Variants in CHST3 observed in about 807,000 individuals in gnomAD.
The protein encoded by CHST3 is C6ST-1.
Under a neutral mutation model 35.4 loss-of-function variants are expected in CHST3, and 20 were observed. The observed-to-expected ratio is 0.57, with a 90% confidence interval of 0.40 to 0.82. The LOEUF (loss-of-function observed/expected upper bound fraction) is 0.82, where lower values mean the gene tolerates loss of function less well. Among genes scored for constraint, CHST3 ranks in the 40% least tolerant of loss-of-function variants. The pLI is 0.00. For synonymous variants in CHST3, 334 were observed against 295.9 expected (o/e 1.13, Z -1.32); for missense variants, 693 against 670.1 (o/e 1.03, Z -0.38).
chr10:72,007,762 A>C lies in CHST3; in HGVS notation c.731A>C (p.Lys244Thr), dbSNP rs764704926. Residue 244 changes from lysine to threonine, a missense_variant, in exon 3 of 3, where the codon AAG becomes ACG. Coordinates refer to ENST00000373115, the MANE Select transcript of CHST3 (RefSeq NM_004273.5). The part of the protein sequence containing the change: ...CTPFVKKVFE[K>T]YHCKNRRCGP... ...CCCTTCGTCAAGAAGGTCTTCGAGA[A>C]GTACCACTGCAAGAACCGCCGCTGC... The C allele has an allele frequency of 6.2e-7, 1 of 1,601,856 alleles. No individual in the cohort carries two copies. Among genetic ancestry groups the C allele is most frequent in the South Asian group, 1.1e-5 (1 of 91,042 alleles).
chr10:72,002,175 G>C (rs1028667610), intron 1 of CHST3, among the ~76,000 whole-genome samples: 11 of 152,220 alleles, frequency 7.2e-5, no homozygotes, highest in African/African-American at 2.4e-4. Flanking sequence ...GGAGCCAACA[G>C]CCTGCCTGGG....
At chr10:71,975,651 C>G (rs1333161198) in intron 1 of CHST3, among the ~76,000 whole-genome samples, 3 of 152,220 alleles carry the variant, frequency 2.0e-5, no homozygotes, top group African/African-American at 7.2e-5. Context: ...GCTCAGGGGG[C>G]GCCTGTCCTG....
intron 1 of CHST3, among the ~76,000 whole-genome samples, chr10:71,966,253 A>G (rs1360885540): frequency 6.6e-6 from 1 of 152,082 alleles, no homozygotes; most frequent in Non-Finnish European, 1.5e-5. Flanking sequence ...GATGGGTCTC[A>G]TGAAGGGTCT....
At chr10:71,987,861 G>GAGCA (rs1839863564) in intron 1 of CHST3, among the ~76,000 whole-genome samples, 2 of 152,184 alleles carry the variant, frequency 1.3e-5, no homozygotes, top group South Asian at 4.1e-4. Flanking sequence ...AAGGAGGATA[G>GAGCA]AGCAAGAATT....
intron 1 of CHST3, among the ~76,000 whole-genome samples, chr10:71,965,844 T>C (rs1255938667): frequency 1.3e-5 from 2 of 152,134 alleles, no homozygotes; most frequent in African/African-American, 4.8e-5. Context: ...CCTGATCTGC[T>C]TGGGCCAGTG....
At chr10:72,005,448 A>G (rs1840029048) in intron 1 of CHST3, among the ~76,000 whole-genome samples, 1 of 152,202 alleles carries the variant, frequency 6.6e-6, no homozygotes, top group Admixed American at 6.5e-5. Flanking sequence ...TTTTGCTATT[A>G]TAAACATTTA....
rs759873741 is a variant in CHST3 at position 72,007,613 on chromosome 10, G to C, written c.582G>C (p.Gln194His). The C allele has an allele frequency of 3.7e-6, 6 of 1,609,934 alleles. No individual in the cohort carries two copies. Among genetic ancestry groups the C allele is most frequent in the East Asian group, 2.2e-5 (1 of 44,864 alleles). ...TGGTGTACCGCGACGTGCTCAAGCA[G>C]CTCTTCCTGTGCGACCTGTACGTGC... Reference protein sequence around the residue: ...SALVYRDVLKQLFLCDLYVLE... With the variant: ...SALVYRDVLKHLFLCDLYVLE... Residue 194 changes from glutamine to histidine, a missense_variant, in exon 3 of 3, where the codon CAG becomes CAC. Transcript: ENST00000373115.
At chr10:71,980,430 A>AT (rs1421533429) in intron 1 of CHST3, among the ~76,000 whole-genome samples, 1 of 152,204 alleles carries the variant, frequency 6.6e-6, no homozygotes, top group Non-Finnish European at 1.5e-5. Flanking sequence ...ATATTTTCTA[A>AT]TCTACACAAT....
At chr10:71,999,888 G>A (rs539666999) in intron 1 of CHST3, among the ~76,000 whole-genome samples, 20 of 152,298 alleles carry the variant, frequency 1.3e-4, no homozygotes, top group African/African-American at 4.3e-4. Flanking sequence ...TTTCCACAGC[G>A]TTCTCTCCCT....
Position 72,007,849 on chromosome 10 carries a change from A to C in CHST3, c.818A>C (p.Lys273Thr), listed in dbSNP as rs751135376. 6.2e-7 allele frequency: 1 copy of C among 1,604,522 alleles called. No individual in the cohort carries two copies. Among genetic ancestry groups the C allele is most frequent in the East Asian group, 2.2e-5 (1 of 44,700 alleles). ...CGCCGCAAGGAGCACATGGCCCTCA[A>C]GGCGGTGCGCATCCGGCAGCTGGAG... ...ACRRKEHMAL[K>T]AVRIRQLEFL... Residue 273 changes from lysine (K) to threonine (T), a missense_variant, in exon 3 of 3, where the codon AAG (lysine) becomes ACG (threonine). Physicochemically the swap from Lys to Thr is moderately conservative, Grantham distance 78 (BLOSUM62 -1). Transcript: ENST00000373115.
chr10:72,007,652 C>A lies in CHST3; in HGVS notation c.621C>A (p.Ile207=). The A allele has an allele frequency of 6.2e-7, 1 of 1,609,484 alleles. No individual in the cohort carries two copies. The highest frequency in any genetic ancestry group is 8.5e-7 in the Non-Finnish European group (1 of 1,179,392). The change falls in exon 3 of 3, where the codon ATC becomes ATA. Residue 207 remains isoleucine (I), a synonymous_variant. Transcript: ENST00000373115. ...LCDLYVLEHF[I]TPLPEDHLTQ... is the part of the protein sequence containing the mutation. The stretch of plus-strand genomic sequence containing the variant: ...ACCTGTACGTGCTGGAGCACTTCAT[C>A]ACGCCGCTGCCCGAGGACCACCTGA...
At chr10:71,975,731 G>T (rs1421761411) in intron 1 of CHST3, among the ~76,000 whole-genome samples, 2 of 152,252 alleles carry the variant, frequency 1.3e-5, no homozygotes, top group Non-Finnish European at 2.9e-5. Flanking sequence ...TCCTTGGCCT[G>T]TCTGTGGGCG....
chr10:71,976,799 C>T (rs1247299787), intron 1 of CHST3, among the ~76,000 whole-genome samples: 1 of 152,182 alleles, frequency 6.6e-6, no homozygotes, highest in Non-Finnish European at 1.5e-5. Context: ...CAAGAGGCTA[C>T]CCTCAAAAGA....
At position 72,005,719 on chromosome 10, in the gene CHST3, C is replaced by T. The variant is rs1840031505; in HGVS notation, c.-107-17C>T. On this transcript the variant is annotated splice_polypyrimidine_tract_variant and intron_variant, in intron 1 of 2. Coordinates refer to ENST00000373115, the MANE Select transcript of CHST3 (RefSeq NM_004273.5). Reference sequence around the variant, plus strand: ...CGTGTACAGACAAGGGTGTTCTGACCACCTGTCTCTCCGCAGGACAAGGGT... The same window carrying T: ...CGTGTACAGACAAGGGTGTTCTGACTACCTGTCTCTCCGCAGGACAAGGGT... The T allele has an allele frequency of 6.5e-5, 78 of 1,208,942 alleles. 2 individuals carry two copies. In the South Asian group the frequency reaches 9.6e-4, roughly 15 times the overall value. 74.9% of individuals were successfully genotyped at this position (1,208,942 alleles called of 1,614,324 possible).
In CHST3 at chr10:72,007,857, C is replaced by T. The variant is rs752600315; in HGVS notation, c.826C>T (p.Arg276Cys). Residue 276 changes from arginine to cysteine, a missense_variant, in exon 3 of 3, where the codon CGC (arginine) becomes TGC (cysteine). Physicochemically the swap from Arg to Cys is radical, Grantham distance 180. Transcript: ENST00000373115. Reference protein sequence around the residue: ...RKEHMALKAVRIRQLEFLQPL... With the variant: ...RKEHMALKAVCIRQLEFLQPL... ...GGAGCACATGGCCCTCAAGGCGGTG[C>T]GCATCCGGCAGCTGGAGTTCCTGCA... is the stretch of plus-strand genomic sequence containing the variant. The T allele has an allele frequency of 1.2e-6, 2 of 1,601,920 alleles. No individual in the cohort carries two copies.
Position 72,011,588 on chromosome 10 carries a change from G to A in CHST3, c.*3117G>A, listed in dbSNP as rs1354398677. ...TCTGCCAGAAGCCTTCCCCTGCAAG[G>A]TGCCCACCTGCCCGGAGACAGAGGG... On this transcript the variant is annotated 3_prime_UTR_variant, in exon 3 of 3. Coordinates refer to ENST00000373115, the MANE Select transcript of CHST3 (RefSeq NM_004273.5). 1 of 152,238 alleles carries A rather than the reference G, an allele frequency of 6.6e-6. No homozygotes were observed. Among genetic ancestry groups the A allele is most frequent in the Non-Finnish European group, 1.5e-5 (1 of 68,092 alleles). 9.4% of individuals were successfully genotyped at this position (152,238 alleles called of 1,614,324 possible).
chr10:71,991,385 A>G (rs1007242), intron 1 of CHST3, among the ~76,000 whole-genome samples: 53,275 of 152,158 alleles, frequency 0.35, 11,038 homozygotes, highest in Non-Finnish European at 0.48. Flanking sequence ...TTCTTTGGGC[A>G]GTTGCCCTCC....
At chr10:71,994,515 G>T (rs921676825) in intron 1 of CHST3, among the ~76,000 whole-genome samples, 6 of 152,150 alleles carry the variant, frequency 3.9e-5, no homozygotes, top group African/African-American at 1.4e-4. Context: ...TGTCATCCAG[G>T]CCTGTTCCAT....
intron 1 of CHST3, among the ~76,000 whole-genome samples, chr10:71,973,460 C>G (rs962107817): frequency 1.4e-4 from 22 of 152,344 alleles, no homozygotes; most frequent in African/African-American, 4.8e-4. Context: ...GTGGCTGAGT[C>G]GTTTCCCTGA....
Sources: gnomAD v4.1 joint callset for allele counts (sites outside exome capture counted in the v4.1 genomes callset) on GRCh38, gnomAD v4.1.1 for gene constraint, MANE v1.5 for transcripts, NCBI Gene and HGNC (gene_info 2026-07-23, HGNC 2026-07-21) for gene names.